Variants in GALNT18 observed in about 807,000 individuals in gnomAD.
The protein encoded by GALNT18 is GalNAc-transferase 18.
Under a neutral mutation model 69.5 loss-of-function variants are expected in GALNT18, and 44 were observed. That is an observed-to-expected ratio of 0.63 (90% CI 0.50 to 0.81). The LOEUF (loss-of-function observed/expected upper bound fraction) is 0.81. Ranked by LOEUF, GALNT18 falls within the 40% of genes least tolerant of loss-of-function variation. The pLI is 0.00. For synonymous variants in GALNT18, 364 were observed against 318.2 expected, an observed-to-expected ratio of 1.14 and a Z score of -1.53; for missense variants, 715 against 810.0, an observed-to-expected ratio of 0.88 and a Z score of 1.42.
rs572473568 is a variant in GALNT18 at position 11,581,511 on chromosome 11, C to T, written c.235+39848G>A. ...AGGACAGGGGCACGCTACAGTGAGA[C>T]CCCAGCTGACCTCCCCTCCTCCTCC... is the stretch of plus-strand genomic sequence containing the variant. On this transcript the variant is annotated intron_variant, in intron 1 of 10. Transcript: ENST00000227756. Among the ~76,000 whole-genome samples the T allele has an allele frequency of 2.6e-5, 4 of 152,214 alleles. No individual in the cohort carries two copies. In the East Asian group the frequency reaches 7.7e-4, roughly 29 times the overall value.
At chr11:11,579,039 AACAAAG>A (rs1859003049) in intron 1 of GALNT18, among the ~76,000 whole-genome samples, 1 of 152,208 alleles carries the variant, frequency 6.6e-6, no homozygotes, top group Admixed American at 6.5e-5. Context: ...CCAGGGAAAA[AACAAAG>A]ACAGCCAAGA....
Position 11,390,064 on chromosome 11 carries a change from C to T in GALNT18, c.596-10800G>A, listed in dbSNP as rs182869709. On this transcript the variant is annotated intron_variant, in intron 3 of 10. Coordinates refer to ENST00000227756, the MANE Select transcript of GALNT18 (RefSeq NM_198516.3). Reference sequence around the variant, plus strand: ...TTTTAGAGTCTCTGATTCTTAAATACTAACTCCCAGGATTCTGAGATCCCA... The same window carrying T: ...TTTTAGAGTCTCTGATTCTTAAATATTAACTCCCAGGATTCTGAGATCCCA... Among the ~76,000 whole-genome samples the T allele has an allele frequency of 2.0e-5, 3 of 152,292 alleles. No individual in the cohort carries two copies. The East Asian group carries it at 5.8e-4, about 29-fold the overall frequency.
chr11:11,399,810 G>A (rs1854419515), intron 3 of GALNT18, among the ~76,000 whole-genome samples: 1 of 152,168 alleles, frequency 6.6e-6, no homozygotes, highest in Non-Finnish European at 1.5e-5. Context: ...GTGCCTGGCA[G>A]GTACTGAATA....
rs149998521 is a variant in GALNT18, at chr11:11,538,289, A to G, written c.235+83070T>C. Among the ~76,000 whole-genome samples, 2 of 152,288 alleles carry G rather than the reference A, an allele frequency of 1.3e-5. No homozygotes were observed. The highest frequency in any genetic ancestry group is 3.9e-4 in the East Asian group (2 of 5,172). On this transcript the variant is annotated intron_variant, in intron 1 of 10. Transcript: ENST00000227756. The surrounding 1 kb of genome is among the most constrained non-coding windows in gnomAD (Gnocchi z 5.2). The stretch of plus-strand genomic sequence containing the variant: ...CCCTGCCACCACCATCCCCAGGGCT[A>G]TGATGGGGCTGGGAAGGCCACTCAC...
chr11:11,344,158 C>T (rs1337232391), intron 6 of GALNT18, among the ~76,000 whole-genome samples: 1 of 152,218 alleles, frequency 6.6e-6, no homozygotes, highest in East Asian at 1.9e-4. Context: ...GGCTTGCCCC[C>T]CACCACCCCT....
At chr11:11,510,307 T>C (rs1857141797) in intron 1 of GALNT18, among the ~76,000 whole-genome samples, 1 of 152,308 alleles carries the variant, frequency 6.6e-6, no homozygotes, top group South Asian at 2.1e-4. Context: ...ACATCTGCTG[T>C]CTCAGTATAC....
chr11:11,409,903 C>T (rs548644803), intron 3 of GALNT18, among the ~76,000 whole-genome samples: 15 of 152,310 alleles, frequency 9.8e-5, no homozygotes, highest in East Asian at 3.9e-4. Flanking sequence ...GATTAATACA[C>T]AGTGACAGGT....
intron 9 of GALNT18, among the ~76,000 whole-genome samples, chr11:11,299,645 T>TATC (rs1849459856): frequency 6.6e-6 from 1 of 152,240 alleles, no homozygotes; most frequent in Non-Finnish European, 1.5e-5. Flanking sequence ...CAAATGCCAT[T>TATC]ATCTCATTCC....
At chr11:11,611,508 G>A (rs368092884) in intron 1 of GALNT18, among the ~76,000 whole-genome samples, 2 of 152,088 alleles carry the variant, frequency 1.3e-5, no homozygotes, top group South Asian at 2.1e-4. Flanking sequence ...TTTTTACCCC[G>A]TTGCTAGGAG....
intron 9 of GALNT18, among the ~76,000 whole-genome samples, chr11:11,296,301 G>A (rs928103538): frequency 7.9e-5 from 12 of 152,292 alleles, no homozygotes; most frequent in Middle Eastern, 6.8e-3. Flanking sequence ...AAATAGAAAC[G>A]AGAACCCACC....
intron 3 of GALNT18, among the ~76,000 whole-genome samples, chr11:11,409,135 T>C (rs1854666712): frequency 1.3e-5 from 2 of 152,186 alleles, no homozygotes; most frequent in African/African-American, 4.8e-5. Flanking sequence ...TACCAACAGA[T>C]GCCACTCCCT....
rs894879897 is a variant in GALNT18 at position 11,584,091 on chromosome 11, T to C, written c.235+37268A>G. 3.3e-5 allele frequency among the ~76,000 whole-genome samples: 5 copies of C among 151,892 alleles called. No homozygotes were observed. The highest frequency in any genetic ancestry group is 4.8e-5 in the African/African-American group (2 of 41,344). On this transcript the variant is annotated intron_variant, in intron 1 of 10. Coordinates refer to ENST00000227756, the MANE Select transcript of GALNT18 (RefSeq NM_198516.3). The surrounding 1 kb of genome is among the most constrained non-coding windows in gnomAD (Gnocchi z 4.1). Reference sequence around the variant, plus strand: ...AAACTGTGGTCAAGCAGAAAAGAGATAAGAGGACATACGGAGAGAAGTAAA... The same window carrying C: ...AAACTGTGGTCAAGCAGAAAAGAGACAAGAGGACATACGGAGAGAAGTAAA...
intron 3 of GALNT18, among the ~76,000 whole-genome samples, chr11:11,412,054 G>C (rs1393073269): frequency 6.6e-6 from 1 of 152,128 alleles, no homozygotes; most frequent in Non-Finnish European, 1.5e-5. Context: ...AGCACCTGGG[G>C]ATAGGTGAAC....
In GALNT18 at chr11:11,544,456, C is replaced by T. The variant is rs375420666; in HGVS notation, c.235+76903G>A. Among the ~76,000 whole-genome samples, 13 of 152,322 alleles carry T rather than the reference C, an allele frequency of 8.5e-5. No individual in the cohort carries two copies. The East Asian group carries it at 2.5e-3, about 29-fold the overall frequency. On this transcript the variant is annotated intron_variant, in intron 1 of 10. Transcript: ENST00000227756. ...TTATTCAAACAAAAATCAGTGAGCA[C>T]TTGGTAGATGCCAGAAGCTATACTG...
chr11:11,533,648 C>G (rs1308809235), intron 1 of GALNT18, among the ~76,000 whole-genome samples: 1 of 152,220 alleles, frequency 6.6e-6, no homozygotes, highest in Non-Finnish European at 1.5e-5. Context: ...TATTTATAAT[C>G]CTTATTTGTA....
intron 2 of GALNT18, among the ~76,000 whole-genome samples, chr11:11,448,358 A>C (rs1855707230): frequency 6.6e-6 from 1 of 152,230 alleles, no homozygotes; most frequent in Non-Finnish European, 1.5e-5. Context: ...TGTCAGATGT[A>C]ACGACTTGTT....
At position 11,356,585 on chromosome 11, in the gene GALNT18, A is replaced by G. The variant is rs1850533874; in HGVS notation, c.1093-15581T>C. On this transcript the variant is annotated intron_variant, in intron 6 of 10. Coordinates refer to ENST00000227756, the MANE Select transcript of GALNT18 (RefSeq NM_198516.3). This position sits in a 1 kb window ranked among gnomAD's most constrained non-coding sequence, Gnocchi z 4.4. ...TAATCAAAGTTCACCAATTGTCCCA[A>G]TCAAAGCCTTTATAGCTATTTTTCC... 2.0e-5 allele frequency among the ~76,000 whole-genome samples: 3 copies of G among 152,198 alleles called. No individual in the cohort carries two copies. In the South Asian group the frequency reaches 6.2e-4, roughly 32 times the overall value.
intron 1 of GALNT18, among the ~76,000 whole-genome samples, chr11:11,529,692 C>T (rs1375620915): frequency 6.6e-6 from 1 of 151,990 alleles, no homozygotes. Context: ...CACATGTGTG[C>T]ACGTGCATGT....
intron 10 of GALNT18, among the ~76,000 whole-genome samples, chr11:11,278,446 T>G (rs892480274): frequency 2.0e-5 from 3 of 151,730 alleles, no homozygotes; most frequent in African/African-American, 7.3e-5. Flanking sequence ...CAAACCACCA[T>G]GGCACGTGTA....
Sources: allele counts gnomAD v4.1 joint callset (sites outside exome capture counted in the v4.1 genomes callset), GRCh38; gene constraint gnomAD v4.1.1; non-coding constraint Gnocchi (gnomAD v3.1); transcripts MANE v1.5; gene names NCBI Gene and HGNC (gene_info 2026-07-23, HGNC 2026-07-21).